Variants in COL5A2 observed in about 807,000 individuals in gnomAD.
COL5A2 encodes the protein collagen type V alpha 2 chain, also known as collagen alpha-2(V) chain.
A neutral mutation model predicts 208.2 loss-of-function variants in COL5A2; 23 were observed. The ratio of observed to expected loss-of-function variants is 0.11; its 90% CI spans 0.08 to 0.16. The LOEUF is 0.16. Ranked by LOEUF, COL5A2 falls within the 10% of genes least tolerant of loss-of-function variation. The pLI is 1.00. For synonymous variants in COL5A2, 625 were observed against 628.5 expected (o/e 0.99, Z 0.08); for missense variants, 1,590 against 1,956.4 (o/e 0.81, Z 3.53).
At chr2:189,429,781 T>C in the COL5A2 span, among the ~76,000 whole-genome samples, 1 of 152,220 alleles carries the variant, frequency 6.6e-6, no homozygotes, top group Non-Finnish European at 1.5e-5. Flanking sequence ...GACTGTAACA[T>C]AGTTGACATT....
chr2:189,286,434 C>A, the COL5A2 span, among the ~76,000 whole-genome samples: 6 of 152,130 alleles, frequency 3.9e-5, no homozygotes, highest in African/African-American at 9.7e-5. Context: ...TGAGTCACTA[C>A]TAAGATAGCT....
At chr2:189,149,598 G>C (rs1432729275) in intron 1 of COL5A2, among the ~76,000 whole-genome samples, 1 of 152,118 alleles carries the variant, frequency 6.6e-6, no homozygotes, top group East Asian at 1.9e-4. Context: ...ATATGAAAAA[G>C]GTTAATTATA....
chr2:189,297,537 G>A, the COL5A2 span, among the ~76,000 whole-genome samples: 5 of 151,842 alleles, frequency 3.3e-5, no homozygotes, highest in African/African-American at 1.2e-4. Flanking sequence ...ATTCACCTTT[G>A]TACTCATATA....
chr2:189,361,319 T>C, the COL5A2 span, among the ~76,000 whole-genome samples: 5 of 152,192 alleles, frequency 3.3e-5, no homozygotes, highest in Non-Finnish European at 5.9e-5. Flanking sequence ...TTTATGATTG[T>C]TATATCCTCT....
intron 1 of COL5A2, among the ~76,000 whole-genome samples, chr2:189,143,711 G>T (rs1687980431): frequency 6.6e-6 from 1 of 152,112 alleles, no homozygotes. Context: ...CCTTGCTTTG[G>T]TGTGAAGTCT....
chr2:189,383,911 C>T, the COL5A2 span, among the ~76,000 whole-genome samples: 9 of 152,084 alleles, frequency 5.9e-5, no homozygotes, highest in African/African-American at 1.9e-4. Context: ...CAACCCTCCC[C>T]CCATTCACCT....
chr2:189,401,892 CT>C, the COL5A2 span, among the ~76,000 whole-genome samples: 1 of 151,918 alleles, frequency 6.6e-6, no homozygotes, highest in African/African-American at 2.4e-5. Context: ...TGTTCATGAC[CT>C]TTGTCCACTT....
Position 189,053,457 on chromosome 2 carries a change from C to T in COL5A2, c.2520G>A (p.Gly840=). 1 of 1,613,750 alleles carries T rather than the reference C, an allele frequency of 6.2e-7. No individual in the cohort carries two copies. Among genetic ancestry groups the T allele is most frequent in the African/African-American group, 1.3e-5 (1 of 74,966 alleles). Residue 840 remains glycine, a synonymous_variant, in exon 38 of 54, where the codon GGG becomes GGA. Coordinates refer to ENST00000374866, the MANE Select transcript of COL5A2 (RefSeq NM_000393.5). ...RGNPGSRGEN[G]PTGAVGFAGP... is the part of the protein sequence containing the mutation. ...CGGCAAAACCAACAGCTCCAGTTGG[C>T]CCATTTTCACCTCGAGAACCCTAGG...
At chr2:189,364,895 G>T in the COL5A2 span, among the ~76,000 whole-genome samples, 1 of 152,084 alleles carries the variant, frequency 6.6e-6, no homozygotes, top group Non-Finnish European at 1.5e-5. Context: ...TAATAATATT[G>T]TATCAATATT....
At position 189,085,581 on chromosome 2, in the gene COL5A2, T is replaced by C. The variant is rs115859702; in HGVS notation, c.744+138A>G. 3,489 of 718,930 alleles carry C rather than the reference T, an allele frequency of 4.9e-3. 21 individuals carry two copies. Among genetic ancestry groups the C allele is most frequent in the Middle Eastern group, 0.017 (56 of 3,222 alleles). 44.5% of individuals were successfully genotyped at this position (718,930 alleles called of 1,614,324 possible). A position where few individuals can be genotyped will look rare whatever the true frequency, so the allele number is the denominator to read the frequency against. On this transcript the variant is annotated intron_variant, in intron 10 of 53. Transcript: ENST00000374866. ...AAACATATAGCTTAAGAACAGTTCATAGAACAGGACTCCCAAACTGGATTG... is the reference window on the plus strand; with the variant it reads ...AAACATATAGCTTAAGAACAGTTCACAGAACAGGACTCCCAAACTGGATTG...
At chr2:189,148,094 A>G (rs1688074688) in intron 1 of COL5A2, among the ~76,000 whole-genome samples, 1 of 152,184 alleles carries the variant, frequency 6.6e-6, no homozygotes, top group African/African-American at 2.4e-5. Context: ...GCATTCACAA[A>G]AAATTATGTT....
At chr2:189,266,557 C>T in the COL5A2 span, among the ~76,000 whole-genome samples, 12 of 151,908 alleles carry the variant, frequency 7.9e-5, no homozygotes, top group African/African-American at 2.9e-4. Flanking sequence ...TATGAAGTGT[C>T]CAAAATAGGC....
chr2:189,231,523 T>G, the COL5A2 span, among the ~76,000 whole-genome samples: 2 of 151,628 alleles, frequency 1.3e-5, no homozygotes, highest in Non-Finnish European at 2.9e-5. Context: ...TCCACAACAT[T>G]GCGTTTAAGG....
chr2:189,411,492 T>G, the COL5A2 span, among the ~76,000 whole-genome samples: 1 of 152,178 alleles, frequency 6.6e-6, no homozygotes, highest in African/African-American at 2.4e-5. Context: ...TACTTTTTTT[T>G]GGAAAATTAT....
intron 1 of COL5A2, among the ~76,000 whole-genome samples, chr2:189,205,553 T>C (rs1361400403): frequency 6.6e-6 from 1 of 152,242 alleles, no homozygotes; most frequent in African/African-American, 2.4e-5. Context: ...GTTTGATTCT[T>C]ATGTTCATAA....
intron 1 of COL5A2, among the ~76,000 whole-genome samples, chr2:189,160,276 A>C (rs1036888692): frequency 6.6e-6 from 1 of 152,222 alleles, no homozygotes; most frequent in East Asian, 1.9e-4. Context: ...TACTACTTAT[A>C]TGTAGTGTGA....
At chr2:189,124,240 T>C (rs542930718) in intron 1 of COL5A2, among the ~76,000 whole-genome samples, 1 of 152,284 alleles carries the variant, frequency 6.6e-6, no homozygotes, top group East Asian at 1.9e-4. Flanking sequence ...GGAAATTTCA[T>C]TTCCTGGTGT....
chr2:189,149,882 T>C (rs1576557434), intron 1 of COL5A2, among the ~76,000 whole-genome samples: 1 of 152,208 alleles, frequency 6.6e-6, no homozygotes, highest in African/African-American at 2.4e-5. Context: ...GTAATGCTTA[T>C]TAAAATAGAA....
chr2:189,285,674 A>G, the COL5A2 span, among the ~76,000 whole-genome samples: 7 of 152,196 alleles, frequency 4.6e-5, no homozygotes, highest in African/African-American at 9.6e-5. Flanking sequence ...GATCAGGAAC[A>G]ATATCAAAGG....
Sources: gnomAD v4.1 joint callset for allele counts (sites outside exome capture counted in the v4.1 genomes callset) on GRCh38, gnomAD v4.1.1 for gene constraint, MANE v1.5 for transcripts, NCBI Gene and HGNC (gene_info 2026-07-23, HGNC 2026-07-21) for gene names.